The following LYRM4 variants were observed in gnomAD, a reference collection of about 807,000 sequenced individuals.
LYRM4 encodes LYR motif-containing protein 4.
Under a neutral mutation model 11.7 loss-of-function variants are expected in LYRM4, and 9 were observed. That is an observed-to-expected ratio of 0.77 (90% CI 0.46 to 1.34). The LOEUF is 1.34. Ranked by LOEUF, LYRM4 falls within the 40% of genes most tolerant of loss-of-function variation. The probability of loss-of-function intolerance (pLI) is 0.00; values close to 1 mark genes in which losing one functional copy is unlikely to be tolerated. For synonymous variants in LYRM4, 42 were observed against 40.4 expected, an observed-to-expected ratio of 1.04 and a Z score of -0.15; for missense variants, 133 against 112.5, an observed-to-expected ratio of 1.18 and a Z score of -0.82.
intron 2 of LYRM4, among the ~76,000 whole-genome samples, chr6:5,196,889 G>A (rs1761085156): frequency 1.3e-5 from 2 of 152,140 alleles, no homozygotes; most frequent in Non-Finnish European, 1.5e-5. Context: ...AGCTATCTGT[G>A]GGCATGATTT....
At chr6:5,085,819 G>A in the LYRM4 span, 1 of 1,527,870 alleles carries the variant, frequency 6.5e-7, no homozygotes, top group Non-Finnish European at 8.8e-7. Flanking sequence ...ACTGGGCGGC[G>A]AGGGGGCGGA....
chr6:5,225,441 A>AT (rs200110929), intron 1 of LYRM4, among the ~76,000 whole-genome samples: 19 of 151,920 alleles, frequency 1.3e-4, no homozygotes, highest in South Asian at 2.1e-4. Context: ...CTACGTGTAC[A>AT]TTTTTTTTCC....
intron 2 of LYRM4, among the ~76,000 whole-genome samples, chr6:5,162,839 A>C (rs1758849408): frequency 6.6e-6 from 1 of 152,242 alleles, no homozygotes; most frequent in South Asian, 2.1e-4. Context: ...ATTAGACGAA[A>C]GGGAAACTGA....
chr6:5,177,495 A>C (rs1184509165), intron 2 of LYRM4, among the ~76,000 whole-genome samples: 1 of 152,170 alleles, frequency 6.6e-6, no homozygotes, highest in Non-Finnish European at 1.5e-5. Flanking sequence ...GTGTCAACAC[A>C]ATGATCATTC....
At chr6:5,066,793 C>G in the LYRM4 span, 1 of 739,724 alleles carries the variant, frequency 1.4e-6, no homozygotes, top group African/African-American at 1.7e-5. Flanking sequence ...GAGTTTAACA[C>G]CCTCCTTGGT....
At chr6:5,114,225 G>A (rs754198340) in intron 2 of LYRM4, among the ~76,000 whole-genome samples, 2 of 152,246 alleles carry the variant, frequency 1.3e-5, no homozygotes, top group Non-Finnish European at 2.9e-5. Flanking sequence ...TGTAAGATAA[G>A]TTTGATATGG....
the LYRM4 span, chr6:5,086,607 G>C: frequency 7.1e-7 from 1 of 1,405,534 alleles, no homozygotes; most frequent in Non-Finnish European, 9.4e-7. Context: ...TGATTAGCAC[G>C]TGGAGCTCGG....
chr6:5,175,947 T>C (rs1759690429), intron 2 of LYRM4, among the ~76,000 whole-genome samples: 1 of 152,164 alleles, frequency 6.6e-6, no homozygotes, highest in East Asian at 1.9e-4. Context: ...ACCCCAGCCA[T>C]TTGAGTACAC....
chr6:5,083,004 T>C, the LYRM4 span, among the ~76,000 whole-genome samples: 2 of 152,310 alleles, frequency 1.3e-5, no homozygotes, highest in African/African-American at 4.8e-5. Context: ...GCTGAGTTTG[T>C]ATAGTGTTGG....
At chr6:5,242,961 G>T (rs973638052) in intron 1 of LYRM4, among the ~76,000 whole-genome samples, 1 of 151,420 alleles carries the variant, frequency 6.6e-6, no homozygotes, top group African/African-American at 2.4e-5. Context: ...TTTTAGTAGA[G>T]ACGGGGTTTC....
chr6:5,229,936 T>C (rs1282626588), intron 1 of LYRM4, among the ~76,000 whole-genome samples: 2 of 152,248 alleles, frequency 1.3e-5, no homozygotes, highest in African/African-American at 2.4e-5. Context: ...CTTTGACCTA[T>C]AATTTATCAA....
intron 2 of LYRM4, among the ~76,000 whole-genome samples, chr6:5,151,802 A>G (rs1379027951): frequency 6.6e-6 from 1 of 152,240 alleles, no homozygotes; most frequent in Non-Finnish European, 1.5e-5. Flanking sequence ...TAATTAAATT[A>G]AAAGTCCATA....
the LYRM4 span, among the ~76,000 whole-genome samples, chr6:5,081,068 T>TGCC: frequency 2.7e-5 from 4 of 148,250 alleles, no homozygotes; most frequent in African/African-American, 7.7e-5. Context: ...AGCCTCTGAA[T>TGCC]GCCCGGAGTA....
intron 1 of LYRM4, among the ~76,000 whole-genome samples, chr6:5,225,308 T>C (rs1052863779): frequency 6.6e-6 from 1 of 150,896 alleles, no homozygotes; most frequent in African/African-American, 2.4e-5. Flanking sequence ...AAAAAAGATG[T>C]AAGGTGGAAA....
At chr6:5,136,174 G>A in intron 2 of LYRM4, 1 of 590,482 alleles carries the variant, frequency 1.7e-6, no homozygotes, top group Non-Finnish European at 2.1e-6. Context: ...GGTTGCTGTT[G>A]TGAATAATAC....
the LYRM4 span, among the ~76,000 whole-genome samples, chr6:5,046,368 G>A: frequency 2.6e-5 from 4 of 152,094 alleles, no homozygotes; most frequent in African/African-American, 9.7e-5. Flanking sequence ...GGATGATCTC[G>A]ATCTCCTGAC....
intron 2 of LYRM4, among the ~76,000 whole-genome samples, chr6:5,192,044 C>T (rs1287528396): frequency 2.0e-5 from 3 of 152,222 alleles, no homozygotes; most frequent in South Asian, 2.1e-4. Flanking sequence ...ATGCTTGATG[C>T]TTGCATGGAT....
At chr6:5,127,250 T>C (rs1230732510) in intron 2 of LYRM4, among the ~76,000 whole-genome samples, 2 of 152,000 alleles carry the variant, frequency 1.3e-5, no homozygotes, top group Non-Finnish European at 2.9e-5. Context: ...GTGCCTGGCC[T>C]CTTTTTGTAC....
At position 5,136,383 on chromosome 6, in the gene LYRM4, C is replaced by T. The variant is rs187006253; in HGVS notation, c.208-26892G>A. On this transcript the variant is annotated intron_variant, in intron 2 of 2. Transcript: ENST00000330636. ...TGGGGCTGGGTTGAGGGTGGAGAAG[C>T]GGGAAGACACGATAATGTAGTACTT... 1.3e-5 allele frequency: 13 copies of T among 985,344 alleles called. No individual in the cohort carries two copies. The East Asian group carries it at 6.8e-4, about 52-fold the overall frequency. The allele number at this position is 985,344 out of a possible 1,614,324, so 61.0% of individuals were successfully genotyped here.
Sources: gnomAD v4.1 joint callset for allele counts (sites outside exome capture counted in the v4.1 genomes callset) on GRCh38, gnomAD v4.1.1 for gene constraint, MANE v1.5 for transcripts, NCBI Gene and HGNC (gene_info 2026-07-23, HGNC 2026-07-21) for gene names.